Variants in CSNK1G3 observed in about 807,000 individuals in gnomAD.
CSNK1G3 encodes the protein casein kinase 1 gamma 3.
In CSNK1G3, 23 loss-of-function variants were observed where a neutral mutation model predicts 64.3. The observed-to-expected ratio is 0.36, with a 90% CI of 0.26 to 0.51. The LOEUF (loss-of-function observed/expected upper bound fraction) is 0.51, where lower values mean the gene tolerates loss of function less well. CSNK1G3 is among the 20% of genes least tolerant of loss of function. CSNK1G3 has a pLI of 0.96. For missense variants in CSNK1G3, 357 were observed against 510.5 expected (o/e 0.70, Z 2.90); for synonymous variants, 158 against 162.2 (o/e 0.97, Z 0.20).
chr5:123,614,977 T>C (rs1046873996), exon 13 of CSNK1G3: 1 of 152,666 alleles, frequency 6.6e-6, no homozygotes, highest in Non-Finnish European at 1.5e-5. Context: ...GTACAGTCAC[T>C]GCCCAGAGGT....
intron 12 of CSNK1G3, among the ~76,000 whole-genome samples, chr5:123,605,823 G>A (rs1477022471): frequency 1.3e-5 from 2 of 151,972 alleles, no homozygotes; most frequent in African/African-American, 4.8e-5. Flanking sequence ...GTACAATATT[G>A]ATAAATTTCA....
chr5:123,610,562 C>T (rs1035694790), intron 12 of CSNK1G3, among the ~76,000 whole-genome samples: 8 of 152,110 alleles, frequency 5.3e-5, no homozygotes, highest in South Asian at 2.1e-4. Context: ...AATGGTGGTG[C>T]GGTGTCAATA....
At chr5:123,588,438 A>G (rs1304533119) in exon 8 of CSNK1G3, 7 of 1,611,070 alleles carry the variant, frequency 4.3e-6, no homozygotes, top group African/African-American at 1.3e-5. Flanking sequence ...CTGACACATT[A>G]AAGGAGAGGT....
intron 1 of CSNK1G3, among the ~76,000 whole-genome samples, chr5:123,543,082 T>G (rs935496537): frequency 6.6e-6 from 1 of 152,154 alleles, no homozygotes; most frequent in African/African-American, 2.4e-5. Context: ...CATTTGATGC[T>G]GCTTTACATG....
chr5:123,563,573 A>G (rs1329476878), intron 4 of CSNK1G3, among the ~76,000 whole-genome samples: 1 of 152,046 alleles, frequency 6.6e-6, no homozygotes, highest in Non-Finnish European at 1.5e-5. Flanking sequence ...AACGTTGGTG[A>G]TTTTGTAATA....
chr5:123,536,356 A>G (rs1780804803), intron 1 of CSNK1G3, among the ~76,000 whole-genome samples: 1 of 151,680 alleles, frequency 6.6e-6, no homozygotes, highest in Non-Finnish European at 1.5e-5. Context: ...AAAAAGCTAT[A>G]TATTTAAAAT....
At chr5:123,576,200 T>G (rs756721105) in intron 6 of CSNK1G3, among the ~76,000 whole-genome samples, 2 of 152,214 alleles carry the variant, frequency 1.3e-5, no homozygotes, top group Admixed American at 6.5e-5. Flanking sequence ...TTTTTGTATT[T>G]ATATAACTTG....
At chr5:123,580,046 A>G (rs992647245) in intron 6 of CSNK1G3, among the ~76,000 whole-genome samples, 1 of 151,990 alleles carries the variant, frequency 6.6e-6, no homozygotes, top group Non-Finnish European at 1.5e-5. Flanking sequence ...TTAAGTTTAG[A>G]GTACTTGGTT....
intron 10 of CSNK1G3, 62 bp from the exon 11 acceptor site, chr5:123,594,977 A>G: frequency 7.1e-7 from 1 of 1,399,446 alleles, no homozygotes; most frequent in South Asian, 1.2e-5. Context: ...ATGAGGATAA[A>G]ATGTTTAACA....
intron 6 of CSNK1G3, among the ~76,000 whole-genome samples, chr5:123,582,779 A>G (rs1203092946): frequency 6.6e-6 from 1 of 152,142 alleles, no homozygotes; most frequent in African/African-American, 2.4e-5. Context: ...TTTTTCATGT[A>G]AAAGAACTGT....
intron 4 of CSNK1G3, among the ~76,000 whole-genome samples, chr5:123,564,772 T>A (rs1008782741): frequency 6.6e-6 from 1 of 152,204 alleles, no homozygotes; most frequent in East Asian, 1.9e-4. Context: ...TATTTGGGGT[T>A]AATTGATAGA....
intron 3 of CSNK1G3, among the ~76,000 whole-genome samples, chr5:123,554,452 T>G (rs1275163473): frequency 1.3e-5 from 2 of 152,180 alleles, no homozygotes; most frequent in Non-Finnish European, 2.9e-5. Flanking sequence ...CCAAGTTTCT[T>G]TCTATGGGCC....
intron 1 of CSNK1G3, among the ~76,000 whole-genome samples, chr5:123,525,614 T>G (rs892012975): frequency 2.6e-5 from 4 of 152,066 alleles, no homozygotes; most frequent in Non-Finnish European, 4.4e-5. Flanking sequence ...GTTACAGTTG[T>G]ATGAGACAAT....
intron 10 of CSNK1G3, among the ~76,000 whole-genome samples, chr5:123,597,911 T>G (rs1479596847): frequency 1.3e-5 from 2 of 152,172 alleles, no homozygotes; most frequent in Non-Finnish European, 1.5e-5. Context: ...GTTAGATAAG[T>G]AGAATCTATT....
intron 10 of CSNK1G3, among the ~76,000 whole-genome samples, chr5:123,593,609 T>G (rs1352461385): frequency 6.6e-6 from 1 of 152,068 alleles, no homozygotes; most frequent in Non-Finnish European, 1.5e-5. Flanking sequence ...TTAGCATCAT[T>G]TTTATTCTTT....
intron 12 of CSNK1G3, among the ~76,000 whole-genome samples, chr5:123,608,069 A>G (rs1032371700): frequency 2.0e-5 from 3 of 152,136 alleles, no homozygotes; most frequent in Non-Finnish European, 2.9e-5. Flanking sequence ...AGGTGGGACT[A>G]TAGGTGCACA....
At chr5:123,534,696 A>G (rs559987205) in intron 1 of CSNK1G3, among the ~76,000 whole-genome samples, 2 of 152,248 alleles carry the variant, frequency 1.3e-5, no homozygotes, top group African/African-American at 4.8e-5. Context: ...AGCTTGGAAG[A>G]GGATTTTTTC....
chr5:123,515,698 G>A (rs1409661175), intron 1 of CSNK1G3, among the ~76,000 whole-genome samples: 3 of 152,048 alleles, frequency 2.0e-5, no homozygotes, highest in Non-Finnish European at 4.4e-5. Context: ...AGGGAAAATT[G>A]TTTGAAGTTT....
chr5:123,565,947 C>T (rs186840700), intron 4 of CSNK1G3, among the ~76,000 whole-genome samples: 59 of 152,242 alleles, frequency 3.9e-4, no homozygotes, highest in African/African-American at 1.1e-3. Context: ...TATAACTCAA[C>T]GTAAGATTTA....
Sources: allele counts gnomAD v4.1 joint callset (sites outside exome capture counted in the v4.1 genomes callset), GRCh38; gene constraint gnomAD v4.1.1; transcripts MANE v1.5; gene names NCBI Gene and HGNC (gene_info 2026-07-23, HGNC 2026-07-21).